Variants in COL6A5 observed in about 807,000 individuals in gnomAD.
COL6A5 encodes collagen alpha-5(VI) chain.
In COL6A5, 48 loss-of-function variants were observed where a neutral mutation model predicts 65.6. That is an observed-to-expected ratio of 0.73 (90% CI 0.58 to 0.93). COL6A5 has a LOEUF of 0.93. Ranked by LOEUF, COL6A5 falls within the 40% of genes least tolerant of loss-of-function variation. The probability of loss-of-function intolerance (pLI) is 0.00; values close to 1 mark genes in which losing one functional copy is unlikely to be tolerated. For synonymous variants in COL6A5, 291 were observed against 322.8 expected, an observed-to-expected ratio of 0.90 and a Z score of 1.05; for missense variants, 914 against 928.3, an observed-to-expected ratio of 0.98 and a Z score of 0.20.
At chr3:130,395,039 C>T (rs746091375) in exon 8 of COL6A5, 11 of 1,551,550 alleles carry the variant, frequency 7.1e-6, no homozygotes, top group South Asian at 1.2e-5. Flanking sequence ...TGGTATGGCT[C>T]AATTTGGAAG....
chr3:130,401,901 G>C, intron 12 of COL6A5, 47 bp downstream of exon 12: 6 of 1,364,214 alleles, frequency 4.4e-6, no homozygotes, highest in Non-Finnish European at 5.1e-6. Context: ...CCTTGATTTG[G>C]TACAGGTGGG....
At chr3:130,434,760 C>T (rs938404258) in intron 1 of COL6A5, among the ~76,000 whole-genome samples, 2 of 152,104 alleles carry the variant, frequency 1.3e-5, no homozygotes, top group African/African-American at 4.8e-5. Context: ...TCTTCATATC[C>T]TTTGCTCATT....
intron 22 of COL6A5, 78 bp downstream of exon 22, chr3:130,414,209 A>G: frequency 4.4e-6 from 5 of 1,143,200 alleles, no homozygotes; most frequent in Non-Finnish European, 6.4e-6. Context: ...ATTTCTGTAT[A>G]AAAATAAATA....
chr3:130,467,849 A>G (rs1333298532), intron 5 of COL6A5, among the ~76,000 whole-genome samples: 1 of 152,068 alleles, frequency 6.6e-6, no homozygotes, highest in African/African-American at 2.4e-5. Flanking sequence ...TTAAAAATCT[A>G]CTTTTTGCTT....
chr3:130,394,461 A>G (rs1936515719), intron 7 of COL6A5, among the ~76,000 whole-genome samples: 1 of 152,218 alleles, frequency 6.6e-6, no homozygotes. Flanking sequence ...ACTCCTCAAT[A>G]TGAATGTAAA....
chr3:130,366,489 C>A (rs1489637905), intron 1 of COL6A5, among the ~76,000 whole-genome samples: 1 of 152,166 alleles, frequency 6.6e-6, no homozygotes, highest in Non-Finnish European at 1.5e-5. Context: ...AAAATGAGAT[C>A]ATTCTATAGC....
intron 17 of COL6A5, 39 bp downstream of exon 17, chr3:130,406,360 TTGGTGA>T (rs1326826085): frequency 6.7e-7 from 1 of 1,483,506 alleles, no homozygotes; most frequent in Admixed American, 2.0e-5. Flanking sequence ...GAAGGAGAAT[TTGGTGA>T]CAGAGACAGT....
At chr3:130,383,003 A>C (rs1936060219) in intron 4 of COL6A5, among the ~76,000 whole-genome samples, 1 of 152,084 alleles carries the variant, frequency 6.6e-6, no homozygotes, top group Non-Finnish European at 1.5e-5. Flanking sequence ...CAAGAGAGTT[A>C]CTGTAGTTTT....
intron 5 of COL6A5, among the ~76,000 whole-genome samples, chr3:130,459,356 T>C (rs1709650453): frequency 6.6e-6 from 1 of 152,238 alleles, no homozygotes; most frequent in East Asian, 1.9e-4. Flanking sequence ...TATATTTATT[T>C]TTTGCTTTGA....
chr3:130,373,545 T>A lies in COL6A5; in HGVS notation c.-28-66T>A, dbSNP rs7632319. On this transcript the variant is annotated intron_variant and NMD_transcript_variant, in intron 1 of 41. Coordinates refer to the COL6A5 transcript ENST00000312481. ...TACAGGTACCATGCCCTAATACAAC[T>A]ATCCTGACAGTTACTTAATGGTATA... 7.0e-4 allele frequency: 513 copies of A among 737,732 alleles called. No homozygotes were observed. The African/African-American group carries it at 8.3e-3, about 12-fold the overall frequency. The allele number at this position is 737,732 out of a possible 1,614,324, so 45.7% of individuals were successfully genotyped here. A position where few individuals can be genotyped will look rare whatever the true frequency, so the allele number is the denominator to read the frequency against.
At chr3:130,455,940 A>G (rs753985079) in intron 5 of COL6A5, among the ~76,000 whole-genome samples, 1 of 152,134 alleles carries the variant, frequency 6.6e-6, no homozygotes, top group Non-Finnish European at 1.5e-5. Context: ...GAAGGTTAGT[A>G]TGATGTAGAA....
chr3:130,391,217 C>T, exon 7 of COL6A5: 1 of 1,551,426 alleles, frequency 6.4e-7, no homozygotes, highest in South Asian at 1.2e-5. Flanking sequence ...TGTGTTTGTG[C>T]TGGATCATTC....
At chr3:130,366,299 T>C (rs1480831334) in intron 1 of COL6A5, among the ~76,000 whole-genome samples, 1 of 152,238 alleles carries the variant, frequency 6.6e-6, no homozygotes, top group East Asian at 1.9e-4. Flanking sequence ...AAAATTCTGA[T>C]GCCTGGGCTC....
chr3:130,378,176 C>A (rs1935856490), intron 3 of COL6A5, among the ~76,000 whole-genome samples: 1 of 152,084 alleles, frequency 6.6e-6, no homozygotes, highest in Non-Finnish European at 1.5e-5. Context: ...AACTGCTTAC[C>A]TGGCATCTCC....
At position 130,463,997 on chromosome 3, in the gene COL6A5, T is replaced by G. The variant is rs1371887143; in HGVS notation, c.1545-4798T>G. 3.3e-5 allele frequency among the ~76,000 whole-genome samples: 5 copies of G among 152,162 alleles called. No homozygotes were observed. In the East Asian group the frequency reaches 9.7e-4, roughly 29 times the overall value. On this transcript the variant is annotated intron_variant, in intron 5 of 7. Coordinates refer to ENST00000512836, the Ensembl canonical transcript of COL6A5. ...TCTGAGGGGTATTTTAGAAAAGGATTGAGATTTTGCTTATTTATAAAGAGA... is the reference window on the plus strand; with the variant it reads ...TCTGAGGGGTATTTTAGAAAAGGATGGAGATTTTGCTTATTTATAAAGAGA...
At position 130,389,189 on chromosome 3, in the gene COL6A5, A is replaced by G. The variant is rs80348538; in HGVS notation, c.2416+55A>G. 1.4e-4 allele frequency: 168 copies of G among 1,222,644 alleles called. No individual in the cohort carries two copies. The East Asian group carries it at 2.1e-3, about 15-fold the overall frequency. 75.7% of individuals were successfully genotyped at this position (1,222,644 alleles called of 1,614,324 possible). On this transcript the variant is annotated intron_variant and NMD_transcript_variant, in intron 6 of 41. Coordinates refer to the COL6A5 transcript ENST00000312481. ...AAGGATGTGAGCTGTTGACTTTATA[A>G]TGAGAAACAGTGAATGGCACTCTGG...
At chr3:130,475,207 T>G (rs755310349) in intron 7 of COL6A5, among the ~76,000 whole-genome samples, 11 of 151,540 alleles carry the variant, frequency 7.3e-5, no homozygotes, top group Non-Finnish European at 1.0e-4. Flanking sequence ...GTAGAAAGAT[T>G]CATGCAGAAA....
chr3:130,435,375 A>T (rs991295119), intron 1 of COL6A5, among the ~76,000 whole-genome samples: 1 of 152,170 alleles, frequency 6.6e-6, no homozygotes, highest in Non-Finnish European at 1.5e-5. Flanking sequence ...AGGTATCATG[A>T]TGCCTCCAGC....
intron 1 of COL6A5, among the ~76,000 whole-genome samples, chr3:130,355,661 A>G (rs1934897330): frequency 1.3e-5 from 2 of 152,160 alleles, no homozygotes; most frequent in Admixed American, 6.5e-5. Context: ...AAAGTTAATG[A>G]TTAATGAAAG....
Sources: gnomAD v4.1 joint callset for allele counts (sites outside exome capture counted in the v4.1 genomes callset) on GRCh38, gnomAD v4.1.1 for gene constraint, MANE v1.5 for transcripts, NCBI Gene and HGNC (gene_info 2026-07-23, HGNC 2026-07-21) for gene names.